Variants in KLHL6 observed in about 807,000 individuals in gnomAD.
The protein encoded by KLHL6 is kelch-like protein 6.
In KLHL6, 41 loss-of-function variants were observed where a neutral mutation model predicts 58.6. The observed-to-expected ratio is 0.70, with a 90% CI of 0.55 to 0.91. The LOEUF is 0.91. Among genes scored for constraint, KLHL6 ranks in the 40% least tolerant of loss-of-function variants. KLHL6 has a pLI of 0.00. For synonymous variants in KLHL6, 338 were observed against 322.7 expected (o/e 1.05, Z -0.51); for missense variants, 714 against 805.6 (o/e 0.89, Z 1.38).
chr3:183,506,062 C>T (rs1577181125), intron 3 of KLHL6, among the ~76,000 whole-genome samples: 2 of 152,158 alleles, frequency 1.3e-5, no homozygotes, highest in East Asian at 3.8e-4. Flanking sequence ...ACAGACAATT[C>T]CTGGGCCACG....
chr3:183,536,465 A>G (rs1285257600), intron 1 of KLHL6, among the ~76,000 whole-genome samples: 1 of 152,140 alleles, frequency 6.6e-6, no homozygotes. Flanking sequence ...AGGGCAGGGG[A>G]AAAAGAGCAG....
intron 2 of KLHL6, among the ~76,000 whole-genome samples, chr3:183,523,705 T>TG (rs957803184): frequency 1.7e-5 from 2 of 115,618 alleles, no homozygotes; most frequent in African/African-American, 5.2e-5. Context: ...GTTGTTTGTT[T>TG]TTTTTCCATA....
Position 183,555,686 on chromosome 3 carries a change from G to A in KLHL6, c.-33C>T, listed in dbSNP as rs761063668. 1.9e-6 allele frequency: 3 copies of A among 1,541,104 alleles called. No individual in the cohort carries two copies. Among genetic ancestry groups the A allele is most frequent in the Non-Finnish European group, 2.6e-6 (3 of 1,148,400 alleles). ...GAAGGAGCGCCCAAGTGTCAGGCAG[G>A]CCCCATTGCAGGAGCTGAGCGGATT... On this transcript the variant is annotated 5_prime_UTR_variant, in exon 1 of 7. Transcript: ENST00000341319.
intron 1 of KLHL6, among the ~76,000 whole-genome samples, chr3:183,553,258 CG>C (rs2108703133): frequency 6.6e-6 from 1 of 152,260 alleles, no homozygotes; most frequent in Non-Finnish European, 1.5e-5. Flanking sequence ...TTCTCATTGC[CG>C]TTGCCTCCTC....
chr3:183,525,189 G>A (rs538039075), intron 2 of KLHL6, among the ~76,000 whole-genome samples: 25 of 151,842 alleles, frequency 1.6e-4, no homozygotes, highest in African/African-American at 2.7e-4. Context: ...ACTTGAACCC[G>A]GGAGGCGGAG....
Position 183,499,675 on chromosome 3 carries a change from C to A in KLHL6, c.1062G>T (p.Pro354=). Reference sequence around the variant, plus strand: ...CACTCTCCAGCTCATGCTCTGTTAGCGGGAGCTTGGCCACCTCCAGGCGGC... The same window carrying A: ...CACTCTCCAGCTCATGCTCTGTTAGAGGGAGCTTGGCCACCTCCAGGCGGC... ...RRSRLEVAKL[P]LTEHELESEN... Residue 354 remains proline, a synonymous_variant, in exon 4 of 7, where the codon CCG becomes CCT. Transcript: ENST00000341319. This position sits in a 1 kb window ranked among gnomAD's most constrained non-coding sequence, Gnocchi z 4.6. 6.2e-7 allele frequency: 1 copy of A among 1,611,832 alleles called. No homozygotes were observed. The highest frequency in any genetic ancestry group is 8.5e-7 in the Non-Finnish European group (1 of 1,179,106).
intron 2 of KLHL6, among the ~76,000 whole-genome samples, chr3:183,512,945 T>C (rs1008283092): frequency 2.6e-5 from 4 of 152,246 alleles, no homozygotes; most frequent in Admixed American, 2.6e-4. Flanking sequence ...CCTCTCCAAT[T>C]GTGTGTAAGA....
At chr3:183,548,174 C>CACCT (rs1712790860) in intron 1 of KLHL6, among the ~76,000 whole-genome samples, 1 of 152,156 alleles carries the variant, frequency 6.6e-6, no homozygotes, top group Non-Finnish European at 1.5e-5. Context: ...ACAGTGCGCT[C>CACCT]TGAAAATATA....
intron 2 of KLHL6, among the ~76,000 whole-genome samples, chr3:183,525,039 G>A (rs758340605): frequency 2.6e-4 from 39 of 152,200 alleles, no homozygotes; most frequent in Admixed American, 1.1e-3. Context: ...GCCAAGGCAG[G>A]TGGATCACAA....
chr3:183,534,878 GTATGTATA>G (rs746923157), intron 1 of KLHL6, among the ~76,000 whole-genome samples: 5 of 149,526 alleles, frequency 3.3e-5, no homozygotes, highest in South Asian at 2.1e-4. Flanking sequence ...TCATATATAT[GTATGTATA>G]TATGTATATA....
intron 2 of KLHL6, 26 bp from the exon 3 acceptor site, chr3:183,508,534 G>C (rs536844874): frequency 2.5e-6 from 4 of 1,597,492 alleles, no homozygotes; most frequent in Non-Finnish European, 3.4e-6. Flanking sequence ...GGGTGGAAAG[G>C]AGGCCAGAAA....
intron 2 of KLHL6, among the ~76,000 whole-genome samples, chr3:183,510,114 T>A (rs1217325314): frequency 2.0e-5 from 3 of 152,214 alleles, no homozygotes; most frequent in Non-Finnish European, 4.4e-5. Context: ...ATATCCATTT[T>A]ACAGATGACA....
intron 1 of KLHL6, among the ~76,000 whole-genome samples, chr3:183,554,639 T>C (rs1416548371): frequency 6.6e-6 from 1 of 152,200 alleles, no homozygotes; most frequent in Non-Finnish European, 1.5e-5. Flanking sequence ...AACAAGTCAT[T>C]TGACAACTCC....
At chr3:183,508,835 C>T (rs1193086835) in intron 2 of KLHL6, among the ~76,000 whole-genome samples, 1 of 152,166 alleles carries the variant, frequency 6.6e-6, no homozygotes, top group African/African-American at 2.4e-5. Context: ...ATAATTCATT[C>T]ATACAGTCGA....
chr3:183,506,352 T>G (rs1428030923), intron 3 of KLHL6, among the ~76,000 whole-genome samples: 1 of 152,238 alleles, frequency 6.6e-6, no homozygotes, highest in Admixed American at 6.5e-5. Context: ...CATTTACTAA[T>G]TACTCATTCA....
At chr3:183,528,824 T>A (rs906499815) in intron 1 of KLHL6, among the ~76,000 whole-genome samples, 2 of 152,200 alleles carry the variant, frequency 1.3e-5, no homozygotes, top group African/African-American at 4.8e-5. Flanking sequence ...GGACTATAAA[T>A]CATTCTACCA....
chr3:183,555,584 G>A lies in KLHL6; in HGVS notation c.70C>T (p.Leu24=), dbSNP rs772952882. The A allele has an allele frequency of 1.2e-6, 2 of 1,613,920 alleles. No homozygotes were observed. The highest frequency in any genetic ancestry group is 1.7e-5 in the Admixed American group (1 of 59,968). The change falls in exon 1 of 7, where the codon CTG becomes TTG. Residue 24 remains leucine (L), a synonymous_variant. Transcript: ENST00000341319. ...DVVEKSLEGP[L]APSTDEPSQK... is the part of the protein sequence containing the mutation. ...GAGGGCTCATCTGTAGAAGGTGCCA[G>A]GGGCCCTTCCAAACTCTTCTCGACC...
intron 2 of KLHL6, chr3:183,522,479 A>G (rs1711801010): frequency 6.6e-6 from 1 of 152,236 alleles, no homozygotes; most frequent in African/African-American, 2.4e-5. Context: ...TCAAATAGTC[A>G]ACAGGCTGAT....
intron 1 of KLHL6, among the ~76,000 whole-genome samples, chr3:183,533,486 G>C (rs1414011070): frequency 6.6e-6 from 1 of 151,220 alleles, no homozygotes; most frequent in Non-Finnish European, 1.5e-5. Flanking sequence ...GCCCAGGCTG[G>C]TGGTGAACTC....
Sources: gnomAD v4.1 joint callset for allele counts (sites outside exome capture counted in the v4.1 genomes callset) on GRCh38, gnomAD v4.1.1 for gene constraint, Gnocchi (gnomAD v3.1) non-coding constraint, MANE v1.5 for transcripts, NCBI Gene and HGNC (gene_info 2026-07-23, HGNC 2026-07-21) for gene names.